Variants in IGFL1 observed in about 807,000 individuals in gnomAD.
The protein encoded by IGFL1 is IGF like family member 1.
In IGFL1, 16 loss-of-function variants were observed where a neutral mutation model predicts 16.0. That is an observed-to-expected ratio of 1.00 (90% CI 0.68 to 1.52). The LOEUF (loss-of-function observed/expected upper bound fraction) is 1.52. Ranked by LOEUF, IGFL1 falls within the 40% of genes most tolerant of loss-of-function variation. The pLI is 0.00. For synonymous variants in IGFL1, 59 were observed against 54.0 expected, an observed-to-expected ratio of 1.09 and a Z score of -0.41; for missense variants, 149 against 141.7, an observed-to-expected ratio of 1.05 and a Z score of -0.26.
chr19:46,230,174 G>A lies in IGFL1; in HGVS notation c.79+13G>A. ...CACGGAGCCCCAGGTGAGCCCAGGA[G>A]TGTTTGGGAAGCTGGAGGAGGGGTA... On this transcript the variant is annotated intron_variant, in intron 2 of 3. Coordinates refer to ENST00000437936, the MANE Select transcript of IGFL1 (RefSeq NM_198541.2). 1 of 1,613,958 alleles carries A rather than the reference G, an allele frequency of 6.2e-7. No homozygotes were observed. Among genetic ancestry groups the A allele is most frequent in the Non-Finnish European group, 8.5e-7 (1 of 1,179,868 alleles).
At chr19:46,230,666 C>T in intron 3 of IGFL1, 149 bp downstream of exon 3, 1 of 1,400,740 alleles carries the variant, frequency 7.1e-7, no homozygotes, top group East Asian at 2.3e-5. Context: ...CCTGTGTCTC[C>T]ATCCATTTTT....
chr19:46,230,971 C>T lies in IGFL1; in HGVS notation c.*141C>T. On this transcript the variant is annotated 3_prime_UTR_variant, in exon 4 of 4. Coordinates refer to ENST00000437936, the MANE Select transcript of IGFL1 (RefSeq NM_198541.2). ...CACACACTCAACTGCCCACTTCATT[C>T]TGTGACCTGTCTGAGGCCCACCCTG... is the stretch of plus-strand genomic sequence containing the variant. 1.2e-6 allele frequency: 1 copy of T among 863,024 alleles called. No homozygotes were observed. 53.5% of individuals were successfully genotyped at this position (863,024 alleles called of 1,614,324 possible).
intron 2 of IGFL1, 52 bp from the exon 3 acceptor site, chr19:46,230,222 T>G: frequency 6.2e-7 from 1 of 1,613,480 alleles, no homozygotes; most frequent in Non-Finnish European, 8.5e-7. Flanking sequence ...GACCCCAGGC[T>G]GGGACCCACC....
chr19:46,230,219 G>C, intron 2 of IGFL1, 55 bp from the exon 3 acceptor site: 2 of 1,613,552 alleles, frequency 1.2e-6, no homozygotes, highest in East Asian at 2.2e-5. Flanking sequence ...GGGGACCCCA[G>C]GCTGGGACCC....
intron 1 of IGFL1, 91 bp from the exon 2 acceptor site, chr19:46,230,017 C>T (rs1967225073): frequency 2.0e-6 from 3 of 1,481,256 alleles, no homozygotes; most frequent in Non-Finnish European, 2.8e-6. Context: ...CCATACCGAG[C>T]CCTGGTTCCA....
Position 46,230,375 on chromosome 19 carries a change from G to C in IGFL1, c.181G>C (p.Val61Leu), listed in dbSNP as rs371799800. 2 of 1,613,882 alleles carry C rather than the reference G, an allele frequency of 1.2e-6. No individual in the cohort carries two copies. Among genetic ancestry groups the C allele is most frequent in the Non-Finnish European group, 8.5e-7 (1 of 1,179,894 alleles). ...LQHCCYDDAV[V>L]PLARTQTCGN... The stretch of plus-strand genomic sequence containing the variant: ...GCACTGTTGCTATGATGATGCCGTC[G>C]TGCCCTTGGCCAGGACCCAGACGTG... The change falls in exon 3 of 4, where the codon GTG becomes CTG. Residue 61 changes from valine to leucine, a missense_variant. Transcript: ENST00000437936.
chr19:46,229,903 C>A, intron 1 of IGFL1, 104 bp downstream of exon 1: 1 of 1,382,294 alleles, frequency 7.2e-7, no homozygotes, highest in Non-Finnish European at 1.0e-6. Flanking sequence ...TGTTCCCATG[C>A]CCAGCCAAAT....
chr19:46,230,790 G>T (rs186347195), intron 3 of IGFL1, 31 bp from the exon 4 acceptor site: 4 of 1,609,790 alleles, frequency 2.5e-6, no homozygotes, highest in Non-Finnish European at 3.4e-6. Context: ...TCTCTGTCCC[G>T]CTCAGTGTCT....
At chr19:46,230,684 T>C in intron 3 of IGFL1, 137 bp from the exon 4 acceptor site, 1 of 1,361,126 alleles carries the variant, frequency 7.3e-7, no homozygotes. Flanking sequence ...TTTATTTCCC[T>C]CTCAGAATCT....
Position 46,230,904 on chromosome 19 carries a change from T to C in IGFL1, c.*74T>C. ...CCTGGAGAAAGAGGCTGGTGTTACCTGAGATCTGGGATGCTGAGTGGCTGT... is the reference window on the plus strand; with the variant it reads ...CCTGGAGAAAGAGGCTGGTGTTACCCGAGATCTGGGATGCTGAGTGGCTGT... On this transcript the variant is annotated 3_prime_UTR_variant, in exon 4 of 4. Transcript: ENST00000437936. The C allele has an allele frequency of 6.9e-7, 1 of 1,450,860 alleles. No individual in the cohort carries two copies. The highest frequency in any genetic ancestry group is 9.6e-7 in the Non-Finnish European group (1 of 1,046,514). The allele number at this position is 1,450,860 out of a possible 1,614,324, so 89.9% of individuals were successfully genotyped here. A position where few individuals can be genotyped will look rare whatever the true frequency, so the allele number is the denominator to read the frequency against.
chr19:46,230,832 G>A lies in IGFL1; in HGVS notation c.*2G>A. 2 of 1,611,148 alleles carry A rather than the reference G, an allele frequency of 1.2e-6. No homozygotes were observed. Among genetic ancestry groups the A allele is most frequent in the South Asian group, 2.2e-5 (2 of 90,118 alleles). On this transcript the variant is annotated 3_prime_UTR_variant, in exon 4 of 4. Coordinates refer to ENST00000437936, the MANE Select transcript of IGFL1 (RefSeq NM_198541.2). ...GTCACTATCTCCAGTGTCAGCTAAT[G>A]GAACATCAGGGGAACGATGACTCCT...
intron 3 of IGFL1, 59 bp from the exon 4 acceptor site, chr19:46,230,762 C>T (rs1273973229): frequency 3.6e-5 from 57 of 1,581,848 alleles, no homozygotes; most frequent in Admixed American, 2.4e-4. Context: ...TGTTCAGTCT[C>T]GCCCCCATCT....
chr19:46,230,259 C>T lies in IGFL1; in HGVS notation c.80-15C>T. On this transcript the variant is annotated splice_polypyrimidine_tract_variant and intron_variant, in intron 2 of 3. Transcript: ENST00000437936. ...GCCACTACCTCCTGGATCTCACCAG[C>T]TCTGTCTCCTCCAGTGGCCCCCATG... 6.2e-7 allele frequency: 1 copy of T among 1,613,910 alleles called. No individual in the cohort carries two copies. The highest frequency in any genetic ancestry group is 8.5e-7 in the Non-Finnish European group (1 of 1,179,844).
At position 46,230,156 on chromosome 19, in the gene IGFL1, C is replaced by T. The variant is rs755223541; in HGVS notation, c.74C>T (p.Ala25Val). The T allele has an allele frequency of 3.7e-6, 6 of 1,613,844 alleles. No individual in the cohort carries two copies. Among genetic ancestry groups the T allele is most frequent in the Non-Finnish European group, 4.2e-6 (5 of 1,179,884 alleles). The change falls in exon 2 of 4, where the codon GCC (alanine) becomes GTC (valine). Residue 25 changes from alanine (A) to valine (V), a missense_variant. Physicochemically the swap from Ala to Val is moderately conservative, Grantham distance 64. Transcript: ENST00000437936. ...CISRLLCSHG[A>V]PVAPMTPYLM... is the part of the protein sequence containing the mutation. ...TCCAGGCTCCTCTGCTCACACGGAG[C>T]CCCAGGTGAGCCCAGGAGTGTTTGG... is the stretch of plus-strand genomic sequence containing the variant.
At chr19:46,230,016 G>A (rs1967225050) in intron 1 of IGFL1, 92 bp from the exon 2 acceptor site, 1 of 1,475,034 alleles carries the variant, frequency 6.8e-7, no homozygotes, top group African/African-American at 1.4e-5. Flanking sequence ...GCCATACCGA[G>A]CCCTGGTTCC....
At position 46,230,801 on chromosome 19, in the gene IGFL1, C is replaced by T. The variant is rs1383448333; in HGVS notation, c.324-20C>T. ...GCCATCTCTGTCCCGCTCAGTGTCTCTCTCTGTCACTATCTCCAGTGTCAG... is the reference window on the plus strand; with the variant it reads ...GCCATCTCTGTCCCGCTCAGTGTCTTTCTCTGTCACTATCTCCAGTGTCAG... On this transcript the variant is annotated intron_variant, in intron 3 of 3. Coordinates refer to ENST00000437936, the MANE Select transcript of IGFL1 (RefSeq NM_198541.2). 3 of 1,611,620 alleles carry T rather than the reference C, an allele frequency of 1.9e-6. No homozygotes were observed. The highest frequency in any genetic ancestry group is 2.5e-6 in the Non-Finnish European group (3 of 1,178,766).
rs756695085 is a variant in IGFL1 at position 46,229,761 on chromosome 19, A to C, written c.-14A>C. ...GCTGATCCCCTCCTCACTCCACTGC[A>C]ACCACCCAGAGCCATGGCTCCCCGA... On this transcript the variant is annotated 5_prime_UTR_variant, in exon 1 of 4. Transcript: ENST00000437936. 6 of 1,603,064 alleles carry C rather than the reference A, an allele frequency of 3.7e-6. No individual in the cohort carries two copies. Among genetic ancestry groups the C allele is most frequent in the Non-Finnish European group, 5.1e-6 (6 of 1,175,330 alleles).
chr19:46,230,221 C>G lies in IGFL1; in HGVS notation c.80-53C>G, dbSNP rs1967227509. 3 of 1,613,386 alleles carry G rather than the reference C, an allele frequency of 1.9e-6. No homozygotes were observed. The South Asian group carries it at 3.3e-5, about 18-fold the overall frequency. ...GGTACACCTTCCAGGGGACCCCAGG[C>G]TGGGACCCACCTGCCACTACCTCCT... is the stretch of plus-strand genomic sequence containing the variant. On this transcript the variant is annotated intron_variant, in intron 2 of 3. Coordinates refer to ENST00000437936, the MANE Select transcript of IGFL1 (RefSeq NM_198541.2).
At chr19:46,230,719 TC>T in intron 3 of IGFL1, 101 bp from the exon 4 acceptor site, 1 of 1,429,426 alleles carries the variant, frequency 7.0e-7, no homozygotes, top group Non-Finnish European at 9.8e-7. Context: ...CGCTGTCCTC[TC>T]CTCCTGGCTC....
Sources: gnomAD v4.1 joint callset for allele counts on GRCh38, gnomAD v4.1.1 for gene constraint, MANE v1.5 for transcripts, NCBI Gene and HGNC (gene_info 2026-07-23, HGNC 2026-07-21) for gene names.